The following SLCO3A1 variants were observed in gnomAD, a reference collection of about 807,000 sequenced individuals.
SLCO3A1 encodes the protein PGE1 transporter.
Under a neutral mutation model 63.1 loss-of-function variants are expected in SLCO3A1, and 27 were observed. The observed-to-expected ratio is 0.43, with a 90% CI of 0.32 to 0.59. The LOEUF is 0.59. Ranked by LOEUF, SLCO3A1 falls within the 20% of genes least tolerant of loss-of-function variation. The pLI is 0.09. For missense variants in SLCO3A1, 773 were observed against 945.8 expected, an observed-to-expected ratio of 0.82 and a Z score of 2.40; for synonymous variants, 473 against 409.9, an observed-to-expected ratio of 1.15 and a Z score of -1.86.
At position 92,090,556 on chromosome 15, in the gene SLCO3A1, C is replaced by A. The variant is rs186334031; in HGVS notation, c.647-4325C>A. ...CCAATGTGCTTGGCTTGGCAAGCAG[C>A]AGATCAGTGGGGTGGACTCCGGACA... On this transcript the variant is annotated intron_variant, in intron 2 of 9. Transcript: ENST00000318445. 5.1e-3 allele frequency among the ~76,000 whole-genome samples: 772 copies of A among 152,260 alleles called. 8 individuals carry two copies. Among genetic ancestry groups the A allele is most frequent in the African/African-American group, 0.018 (742 of 41,550 alleles).
At chr15:92,024,756 T>G (rs2046550503) in intron 2 of SLCO3A1, among the ~76,000 whole-genome samples, 1 of 152,202 alleles carries the variant, frequency 6.6e-6, no homozygotes, top group Admixed American at 6.5e-5. Context: ...TTTACAAAAG[T>G]AGGCCACGGA....
At chr15:91,989,552 C>T (rs146140732) in intron 2 of SLCO3A1, among the ~76,000 whole-genome samples, 1 of 152,284 alleles carries the variant, frequency 6.6e-6, no homozygotes, top group Non-Finnish European at 1.5e-5. Flanking sequence ...ACATAGAGGG[C>T]TCAAATAACT....
At position 92,065,070 on chromosome 15, in the gene SLCO3A1, T is replaced by TTTTGTTTGTTTGTTTGTTTG. The variant is rs35791741; in HGVS notation, c.647-29803_647-29784dup. The stretch of plus-strand genomic sequence containing the variant: ...GATAGATATACCGGTTACCCACGTT[T>TTTTGTTTGTTTGTTTGTTTG]TTTGTTTGTTTGTTTGTTTGTTTGT... On this transcript the variant is annotated intron_variant, in intron 2 of 9. Transcript: ENST00000318445. Among the ~76,000 whole-genome samples the TTTTGTTTGTTTGTTTGTTTG allele has an allele frequency of 3.2e-4, 48 of 150,972 alleles. 1 individual carries two copies. In the East Asian group the frequency reaches 5.5e-3, roughly 17 times the overall value.
At chr15:92,159,778 C>CACATAGCAGTATGCCCTACTTAGAAGACA (rs1245995770) in intron 9 of SLCO3A1, among the ~76,000 whole-genome samples, 5 of 152,102 alleles carry the variant, frequency 3.3e-5, no homozygotes, top group Non-Finnish European at 5.9e-5. Context: ...GCATATTTAT[C>CACATAGCAGTATGCCCTACTTAGAAGACA]ACATAGCAGT....
chr15:91,930,971 A>G (rs1899205483), intron 2 of SLCO3A1, among the ~76,000 whole-genome samples: 1 of 152,230 alleles, frequency 6.6e-6, no homozygotes, highest in South Asian at 2.1e-4. Context: ...AGCGAGTGTC[A>G]TGCAAAAGCC....
chr15:91,987,205 T>G (rs1306906823), intron 2 of SLCO3A1, among the ~76,000 whole-genome samples: 1 of 152,214 alleles, frequency 6.6e-6, no homozygotes, highest in Non-Finnish European at 1.5e-5. Context: ...CCCAGTTCTT[T>G]GCGTTGTGTC....
intron 2 of SLCO3A1, among the ~76,000 whole-genome samples, chr15:92,040,563 C>T (rs544108298): frequency 1.4e-4 from 21 of 152,256 alleles, no homozygotes; most frequent in South Asian, 8.3e-4. Flanking sequence ...TAAATCCATC[C>T]ACATTCCAAG....
intron 7 of SLCO3A1, among the ~76,000 whole-genome samples, chr15:92,130,605 A>G (rs778268294): frequency 1.2e-4 from 19 of 152,056 alleles, no homozygotes; most frequent in Non-Finnish European, 2.4e-4. Flanking sequence ...AAAAACAACC[A>G]CAACCATAAA....
chr15:92,038,748 A>C (rs113666320), intron 2 of SLCO3A1, among the ~76,000 whole-genome samples: 2,568 of 152,316 alleles, frequency 0.017, 69 homozygotes, highest in African/African-American at 0.058. Flanking sequence ...ATTCGAAAAA[A>C]ACTACTTCAA....
intron 7 of SLCO3A1, among the ~76,000 whole-genome samples, chr15:92,139,720 G>C (rs1020963858): frequency 2.6e-5 from 4 of 152,034 alleles, no homozygotes; most frequent in South Asian, 4.1e-4. Context: ...TGTATGTGTC[G>C]AGGAATTTAT....
At chr15:92,121,756 C>T (rs1375059602) in intron 5 of SLCO3A1, among the ~76,000 whole-genome samples, 1 of 152,204 alleles carries the variant, frequency 6.6e-6, no homozygotes, top group Non-Finnish European at 1.5e-5. Context: ...TAAGCAACAG[C>T]ACCCAAAAGA....
chr15:92,019,835 A>C (rs968176427), intron 2 of SLCO3A1, among the ~76,000 whole-genome samples: 3 of 152,060 alleles, frequency 2.0e-5, no homozygotes, highest in Non-Finnish European at 4.4e-5. Context: ...TGGGTGCCTT[A>C]TTGTCTGTCG....
intron 2 of SLCO3A1, among the ~76,000 whole-genome samples, chr15:91,928,756 A>C (rs1220827384): frequency 6.6e-6 from 1 of 152,238 alleles, no homozygotes; most frequent in Non-Finnish European, 1.5e-5. Flanking sequence ...AACTCTCATC[A>C]GATAAAGCAT....
At chr15:92,149,872 G>GTGTC (rs1424072112) in intron 8 of SLCO3A1, 1 of 152,156 alleles carries the variant, frequency 6.6e-6, no homozygotes, top group South Asian at 2.1e-4. Flanking sequence ...CTCTATTTAT[G>GTGTC]TGTCTGTCTT....
intron 2 of SLCO3A1, among the ~76,000 whole-genome samples, chr15:92,058,543 GAGA>G (rs1567095229): frequency 6.6e-6 from 1 of 152,132 alleles, no homozygotes; most frequent in Non-Finnish European, 1.5e-5. Context: ...TCCCATGGAA[GAGA>G]AGAACAGGCA....
At chr15:91,935,939 T>G (rs1899396933) in intron 2 of SLCO3A1, among the ~76,000 whole-genome samples, 2 of 152,226 alleles carry the variant, frequency 1.3e-5, no homozygotes, top group South Asian at 2.1e-4. Flanking sequence ...TATTAAAGTT[T>G]GCACAGCTTA....
chr15:91,897,775 G>A lies in SLCO3A1; in HGVS notation c.181-18218G>A, dbSNP rs553106372. Among the ~76,000 whole-genome samples, 2 of 152,306 alleles carry A rather than the reference G, an allele frequency of 1.3e-5. No homozygotes were observed. Among genetic ancestry groups the A allele is most frequent in the South Asian group, 4.1e-4 (2 of 4,822 alleles). ...CTCCAGCAGCAGTGTGTTAAGGGCA[G>A]TGTTGGAACAGACTGTTCTCTCTAT... is the stretch of plus-strand genomic sequence containing the variant. On this transcript the variant is annotated intron_variant, in intron 1 of 9. Coordinates refer to ENST00000318445, the MANE Select transcript of SLCO3A1 (RefSeq NM_013272.4). This position sits in a 1 kb window ranked among gnomAD's most constrained non-coding sequence, Gnocchi z 4.7.
At position 91,862,084 on chromosome 15, in the gene SLCO3A1, A is replaced by G. The variant is rs920322551; in HGVS notation, c.180+7996A>G. Among the ~76,000 whole-genome samples the G allele has an allele frequency of 6.6e-6, 1 of 152,126 alleles. No individual in the cohort carries two copies. The highest frequency in any genetic ancestry group is 1.5e-5 in the Non-Finnish European group (1 of 68,016). ...TCCTTTTCATGGACGTAATAGTCCA[A>G]GTGGCATTTTAAGTTATCTGGTAAT... On this transcript the variant is annotated intron_variant, in intron 1 of 9. Transcript: ENST00000318445. This position sits in a 1 kb window ranked among gnomAD's most constrained non-coding sequence, Gnocchi z 4.0.
chr15:91,989,325 T>C (rs1340939277), intron 2 of SLCO3A1, among the ~76,000 whole-genome samples: 2 of 152,214 alleles, frequency 1.3e-5, no homozygotes, highest in Non-Finnish European at 2.9e-5. Context: ...ATCTGTAACA[T>C]ACATAGTCCC....
Sources: gnomAD v4.1 joint callset for allele counts (sites outside exome capture counted in the v4.1 genomes callset) on GRCh38, gnomAD v4.1.1 for gene constraint, Gnocchi (gnomAD v3.1) non-coding constraint, MANE v1.5 for transcripts, NCBI Gene and HGNC (gene_info 2026-07-23, HGNC 2026-07-21) for gene names.